Variants in KDM5B observed in about 807,000 individuals in gnomAD.
KDM5B encodes the protein lysine-specific demethylase 5B.
A neutral mutation model predicts 193.4 loss-of-function variants in KDM5B; 144 were observed. The ratio of observed to expected loss-of-function variants is 0.74; its 90% CI spans 0.65 to 0.86. The LOEUF (loss-of-function observed/expected upper bound fraction) is 0.86. Among genes scored for constraint, KDM5B ranks in the 40% least tolerant of loss-of-function variants. KDM5B has a pLI of 0.00. For synonymous variants in KDM5B, 668 were observed against 682.6 expected, an observed-to-expected ratio of 0.98 and a Z score of 0.33; for missense variants, 1,833 against 1,886.9, an observed-to-expected ratio of 0.97 and a Z score of 0.53.
At chr1:202,779,819 A>G (rs1657122020) in intron 1 of KDM5B, among the ~76,000 whole-genome samples, 1 of 150,200 alleles carries the variant, frequency 6.7e-6, no homozygotes, top group Admixed American at 6.7e-5. Context: ...AAATAAATAA[A>G]TAAATAAATA....
chr1:202,733,670 G>C lies in KDM5B; in HGVS notation c.3640C>G (p.Arg1214Gly), dbSNP rs1388990301. 1 of 1,613,964 alleles carries C rather than the reference G, an allele frequency of 6.2e-7. No homozygotes were observed. ...VAVPSISQGL[R>G]IWLCPHCRRS... The stretch of plus-strand genomic sequence containing the variant: ...CGACAATGGGGACAAAGCCAGATTC[G>C]CAGGCCCTGTGAAATACTGGGTACC... The change falls in exon 23 of 27, where the codon CGA becomes GGA. Residue 1214 changes from arginine to glycine, a missense_variant. By Grantham distance (125) the Arg-to-Gly change is moderately radical. Transcript: ENST00000367265.
At chr1:202,775,710 G>GC (rs1656914118) in intron 2 of KDM5B, among the ~76,000 whole-genome samples, 1 of 149,552 alleles carries the variant, frequency 6.7e-6, no homozygotes, top group East Asian at 2.0e-4. Context: ...ACAAAAATTA[G>GC]CTGGATGTGG....
At position 202,728,930 on chromosome 1, in the gene KDM5B, C is replaced by T. The variant is rs1411708794; in HGVS notation, c.*106G>A. 3.8e-6 allele frequency: 5 copies of T among 1,317,118 alleles called. No homozygotes were observed. The highest frequency in any genetic ancestry group is 1.8e-5 in the Admixed American group (1 of 57,104). The allele number at this position is 1,317,118 out of a possible 1,614,324, so 81.6% of individuals were successfully genotyped here. A position where few individuals can be genotyped will look rare whatever the true frequency, so the allele number is the denominator to read the frequency against. On this transcript the variant is annotated 3_prime_UTR_variant, in exon 27 of 27. Coordinates refer to ENST00000367265, the MANE Select transcript of KDM5B (RefSeq NM_006618.5). ...TAAGGAATAGAAATAGCACCGTTTACAGGCTGGCTTGAGTACCAGTCCTGT... is the reference window on the plus strand; with the variant it reads ...TAAGGAATAGAAATAGCACCGTTTATAGGCTGGCTTGAGTACCAGTCCTGT...
In KDM5B at chr1:202,773,155, T is replaced by C. The variant is rs762123531; in HGVS notation, c.539A>G (p.Asn180Ser). The C allele has an allele frequency of 1.9e-6, 3 of 1,613,718 alleles. No homozygotes were observed. The Admixed American group carries it at 5.0e-5, about 27-fold the overall frequency. ...HIRGHYERIL[N>S]PYNLFLSGDS... ...TCCGGACAGGAATAAGTTGTAGGGG[T>C]TGAGAATTCGTTCATAATGCCCTCT... Residue 180 changes from asparagine to serine, a missense_variant, in exon 4 of 27, where the codon AAC (asparagine) becomes AGC (serine). Physicochemically the swap from Asn to Ser is conservative, Grantham distance 46. Transcript: ENST00000367265.
At chr1:202,770,975 CT>C (rs956383567) in intron 4 of KDM5B, among the ~76,000 whole-genome samples, 1 of 152,106 alleles carries the variant, frequency 6.6e-6, no homozygotes, top group Non-Finnish European at 1.5e-5. Context: ...TGTATAAATA[CT>C]TAAGTGCTTT....
At chr1:202,734,352 TA>T (rs33951184) in intron 22 of KDM5B, among the ~76,000 whole-genome samples, 81,539 of 135,190 alleles carry the variant, frequency 0.6, 26,977 homozygotes, top group Middle Eastern at 0.76. Context: ...TTGGGTATAT[TA>T]AAAAAAAAAA....
intron 20 of KDM5B, among the ~76,000 whole-genome samples, chr1:202,739,563 G>C (rs1005196482): frequency 1.3e-5 from 2 of 151,896 alleles, no homozygotes; most frequent in Non-Finnish European, 2.9e-5. Context: ...TGGAGGGAAC[G>C]TCAGCAGATA....
At chr1:202,742,024 C>T (rs1655364453) in intron 18 of KDM5B, among the ~76,000 whole-genome samples, 2 of 151,692 alleles carry the variant, frequency 1.3e-5, no homozygotes, top group Admixed American at 6.6e-5. Context: ...TACAGGCATG[C>T]ACCACCATGC....
chr1:202,787,580 T>G (rs981807554), intron 1 of KDM5B, among the ~76,000 whole-genome samples: 6 of 152,086 alleles, frequency 3.9e-5, no homozygotes, highest in African/African-American at 1.4e-4. Context: ...TGTGGTATAT[T>G]GTTTCGGTTA....
In KDM5B at chr1:202,733,534, G is replaced by A; in HGVS notation, c.3776C>T (p.Thr1259Ile). The A allele has an allele frequency of 6.2e-7, 1 of 1,614,170 alleles. No homozygotes were observed. Among genetic ancestry groups the A allele is most frequent in the Non-Finnish European group, 8.5e-7 (1 of 1,180,028 alleles). The change falls in exon 23 of 27, where the codon ACC (threonine) becomes ATC (isoleucine). Residue 1259 changes from threonine to isoleucine, a missense_variant. Around this residue, in one of 3 missense-constraint regions of KDM5B, gnomAD observed 1,379 missense variants for 1,349.6 expected, o/e 1.02. Transcript: ENST00000367265. ...CTGGGCTCTGTGCTGCCAGTTCACG[G>A]TTCTTTCAATCATATATCGAAGTGC... is the stretch of plus-strand genomic sequence containing the variant. Reference protein sequence around the residue: ...GDALRYMIERTVNWQHRAQQL... With the variant: ...GDALRYMIERIVNWQHRAQQL...
At chr1:202,759,945 C>T (rs1656178252) in intron 8 of KDM5B, among the ~76,000 whole-genome samples, 1 of 152,212 alleles carries the variant, frequency 6.6e-6, no homozygotes, top group Non-Finnish European at 1.5e-5. Context: ...GAACTCACTT[C>T]TAAGACCTCT....
At position 202,733,832 on chromosome 1, in the gene KDM5B, TGA is replaced by T. The variant is rs1654990891; in HGVS notation, c.3476_3477del (p.Leu1159GlnfsTer5). The T allele has an allele frequency of 6.2e-7, 1 of 1,614,106 alleles. No individual in the cohort carries two copies. Among genetic ancestry groups the T allele is most frequent in the Non-Finnish European group, 8.5e-7 (1 of 1,179,982 alleles). On this transcript the variant is annotated frameshift_variant, in exon 23 of 27. Coordinates refer to ENST00000367265, the MANE Select transcript of KDM5B (RefSeq NM_006618.5). LOFTEE classifies it high-confidence loss of function. ...RLREMEALQSLRLANEGKLLS... is the reference protein window; with the variant it reads ...RLREMEALQSXRLANEGKLLS... ...AGCAATTTCCCTTCATTGGCGAGTC[TGA>T]GAGACTGCAAGGCTTCCATTTCCCT... is the stretch of plus-strand genomic sequence containing the variant.
chr1:202,778,681 G>A (rs1558509051), intron 1 of KDM5B, among the ~76,000 whole-genome samples: 1 of 152,146 alleles, frequency 6.6e-6, no homozygotes, highest in Non-Finnish European at 1.5e-5. Context: ...GGAGTACAAT[G>A]ACGTGACCTC....
chr1:202,738,979 G>C (rs1235420732), intron 20 of KDM5B, among the ~76,000 whole-genome samples: 1 of 152,148 alleles, frequency 6.6e-6, no homozygotes, highest in Non-Finnish European at 1.5e-5. Context: ...CTTTGGAACT[G>C]GGTAGGTTTT....
In KDM5B at chr1:202,729,462, G is replaced by A. The variant is rs376221154; in HGVS notation, c.4497+245C>T. On this transcript the variant is annotated intron_variant, in intron 26 of 26. Coordinates refer to ENST00000367265, the MANE Select transcript of KDM5B (RefSeq NM_006618.5). ...GCATCCCTCCCACCTTCTTAGCGCCGGGAAGGTGAAAGCTGGAAGAGCAAG... is the reference window on the plus strand; with the variant it reads ...GCATCCCTCCCACCTTCTTAGCGCCAGGAAGGTGAAAGCTGGAAGAGCAAG... 6.3e-5 allele frequency: 37 copies of A among 588,654 alleles called. No individual in the cohort carries two copies. The South Asian group carries it at 7.2e-4, about 12-fold the overall frequency. The allele number at this position is 588,654 out of a possible 1,614,324, so 36.5% of individuals were successfully genotyped here.
intron 1 of KDM5B, among the ~76,000 whole-genome samples, chr1:202,782,249 T>G (rs1392944230): frequency 6.6e-6 from 1 of 152,234 alleles, no homozygotes; most frequent in Non-Finnish European, 1.5e-5. Flanking sequence ...GGACATTCAC[T>G]GTCAGCTGCA....
intron 4 of KDM5B, among the ~76,000 whole-genome samples, chr1:202,771,309 G>T (rs12142024): frequency 0.61 from 92,296 of 151,106 alleles, 30,995 homozygotes; most frequent in Middle Eastern, 0.75. Context: ...TCGGCTCATT[G>T]CAACCTCTGC....
intron 1 of KDM5B, among the ~76,000 whole-genome samples, chr1:202,786,027 A>C (rs1405505826): frequency 6.6e-6 from 1 of 151,856 alleles, no homozygotes; most frequent in Non-Finnish European, 1.5e-5. Context: ...CTGTTTTTTA[A>C]GAGACAAGGT....
chr1:202,772,715 A>C (rs1414240403), intron 4 of KDM5B, among the ~76,000 whole-genome samples: 4 of 150,644 alleles, frequency 2.7e-5, no homozygotes, highest in South Asian at 2.1e-4. Context: ...TTTCAGACGG[A>C]GTCTCAGAGT....
Sources: allele counts gnomAD v4.1 joint callset (sites outside exome capture counted in the v4.1 genomes callset), GRCh38; gene constraint gnomAD v4.1.1; regional missense constraint gnomAD v4.1.1; transcripts MANE v1.5; gene names NCBI Gene and HGNC (gene_info 2026-07-23, HGNC 2026-07-21).